The following ZNF101 variants were observed in gnomAD, a reference collection of about 807,000 sequenced individuals.
The protein encoded by ZNF101 is zinc finger protein 101, also known as zinc finger protein 101 (Y2).
A neutral mutation model predicts 42.6 loss-of-function variants in ZNF101; 34 were observed. The observed-to-expected ratio is 0.80, with a 90% confidence interval of 0.61 to 1.06. The LOEUF is 1.06. Among genes scored for constraint, ZNF101 ranks in the 50% least tolerant of loss-of-function variants. ZNF101 has a pLI of 0.00. For missense variants in ZNF101, 466 were observed against 530.9 expected, an observed-to-expected ratio of 0.88 and a Z score of 1.20; for synonymous variants, 158 against 183.9, an observed-to-expected ratio of 0.86 and a Z score of 1.14.
At chr19:19,678,130 C>T in intron 2 of ZNF101, 140 bp downstream of exon 2, 1 of 1,262,694 alleles carries the variant, frequency 7.9e-7, no homozygotes, top group Non-Finnish European at 1.1e-6. Context: ...AGTGGCTTAC[C>T]CTTGTAATCC....
chr19:19,676,520 G>C (rs1443742891), intron 1 of ZNF101: 1 of 152,172 alleles, frequency 6.6e-6, no homozygotes, highest in African/African-American at 2.4e-5. Context: ...TGTTAGGTAA[G>C]CCATCCACCT....
chr19:19,669,911 T>TAA (rs551680816), intron 1 of ZNF101, among the ~76,000 whole-genome samples: 2 of 147,512 alleles, frequency 1.4e-5, no homozygotes, highest in African/African-American at 2.5e-5. Flanking sequence ...ACTCCGATGT[T>TAA]AAAAAAAAAA....
chr19:19,681,899 C>T lies in ZNF101; in HGVS notation c.*1599C>T, dbSNP rs2062241660. The T allele has an allele frequency of 6.6e-6, 1 of 151,032 alleles. No homozygotes were observed. The highest frequency in any genetic ancestry group is 1.5e-5 in the Non-Finnish European group (1 of 67,904). 9.4% of individuals were successfully genotyped at this position (151,032 alleles called of 1,614,324 possible). A position where few individuals can be genotyped will look rare whatever the true frequency, so the allele number is the denominator to read the frequency against. On this transcript the variant is annotated 3_prime_UTR_variant, in exon 4 of 4. Transcript: ENST00000592502. Reference sequence around the variant, plus strand: ...AAAGTTATAAATATATAGCATTTATCAGTGGCTCATTCTTTTTTCTTTCTT... The same window carrying T: ...AAAGTTATAAATATATAGCATTTATTAGTGGCTCATTCTTTTTTCTTTCTT...
intron 1 of ZNF101, among the ~76,000 whole-genome samples, chr19:19,669,352 T>G (rs990119483): frequency 3.9e-5 from 6 of 152,114 alleles, no homozygotes; most frequent in African/African-American, 1.4e-4. Flanking sequence ...CTTCCAAAGG[T>G]GTGGGAAGCT....
In ZNF101 at chr19:19,677,723, G is replaced by A. The variant is rs184086037; in HGVS notation, c.4-141G>A. The A allele has an allele frequency of 1.4e-3, 1,448 of 1,005,668 alleles. 21 individuals carry two copies. The African/African-American group carries it at 0.042, about 29-fold the overall frequency. 62.3% of individuals were successfully genotyped at this position (1,005,668 alleles called of 1,614,324 possible). ...GGAACTGCTGCGAGGGAGGAAGTGCGTGTAGATAGGAGGAGGCCGATGACT... is the reference window on the plus strand; with the variant it reads ...GGAACTGCTGCGAGGGAGGAAGTGCATGTAGATAGGAGGAGGCCGATGACT... On this transcript the variant is annotated intron_variant, in intron 1 of 3. Transcript: ENST00000592502.
At chr19:19,668,401 C>T (rs2062145309), upstream of ZNF101, among the ~76,000 whole-genome samples, 1 of 151,968 alleles carries the variant, frequency 6.6e-6, no homozygotes, top group African/African-American at 2.4e-5. Flanking sequence ...GGTGTTGTGA[C>T]CGCATCCTGG....
chr19:19,678,862 C>A, intron 3 of ZNF101, 76 bp downstream of exon 3: 1 of 1,300,856 alleles, frequency 7.7e-7, no homozygotes, highest in South Asian at 1.3e-5. Flanking sequence ...TAAAAAAATA[C>A]AAGACAAATA....
intron 2 of ZNF101, 38 bp from the exon 3 acceptor site, chr19:19,678,688 A>G (rs180804600): frequency 0.014 from 21,923 of 1,538,368 alleles, 169 homozygotes; most frequent in Non-Finnish European, 0.017. Flanking sequence ...CTGTAATTTT[A>G]AATAATTCAT....
chr19:19,679,059 T>C, intron 3 of ZNF101, 122 bp from the exon 4 acceptor site: 1 of 1,452,464 alleles, frequency 6.9e-7, no homozygotes, highest in South Asian at 1.5e-5. Flanking sequence ...CTAATAATTC[T>C]GACCCAGGAG....
rs1440066369 is a variant in ZNF101, at chr19:19,680,091, T to C, written c.1102T>C (p.Cys368Arg). 1 of 1,614,184 alleles carries C rather than the reference T, an allele frequency of 6.2e-7. No individual in the cohort carries two copies. Among genetic ancestry groups the C allele is most frequent in the Admixed American group, 1.7e-5 (1 of 60,014 alleles). ...KTHSGEKPYE[C>R]TRCGKAFGWC... is the part of the protein sequence containing the mutation. ...TCATAGTGGAGAAAAGCCATATGAA[T>C]GTACAAGGTGTGGTAAAGCCTTTGG... is the stretch of plus-strand genomic sequence containing the variant. The change falls in exon 4 of 4, where the codon TGT becomes CGT. Residue 368 changes from cysteine to arginine, a missense_variant. Transcript: ENST00000592502.
At chr19:19,670,324 G>T (rs1158277223) in intron 1 of ZNF101, among the ~76,000 whole-genome samples, 2 of 152,146 alleles carry the variant, frequency 1.3e-5, no homozygotes, top group Non-Finnish European at 2.9e-5. Context: ...GCTTACTACG[G>T]CCTCAACCTC....
At chr19:19,670,209 AG>A (rs1317086979) in intron 1 of ZNF101, among the ~76,000 whole-genome samples, 1 of 152,158 alleles carries the variant, frequency 6.6e-6, no homozygotes, top group African/African-American at 2.4e-5. Flanking sequence ...GAAATTCCAG[AG>A]GGATTCCCTG....
intron 3 of ZNF101, 60 bp from the exon 4 acceptor site, chr19:19,679,121 C>T: frequency 6.4e-7 from 1 of 1,566,910 alleles, no homozygotes; most frequent in Non-Finnish European, 8.6e-7. Context: ...TAAGACATGT[C>T]AATTAGTAGA....
chr19:19,668,842 C>A lies in ZNF101; in HGVS notation c.-122C>A, dbSNP rs1037350577. On this transcript the variant is annotated 5_prime_UTR_variant, in exon 1 of 4. Transcript: ENST00000592502. Reference sequence around the variant, plus strand: ...TCTCATTTCCCGCCGGCCCCCCATTCGGGTCCGGGTTTTAGTTCCTCGGGG... The same window carrying A: ...TCTCATTTCCCGCCGGCCCCCCATTAGGGTCCGGGTTTTAGTTCCTCGGGG... 1.5e-6 allele frequency: 2 copies of A among 1,301,074 alleles called. No individual in the cohort carries two copies. The highest frequency in any genetic ancestry group is 2.1e-6 in the Non-Finnish European group (2 of 970,582). 80.6% of individuals were successfully genotyped at this position (1,301,074 alleles called of 1,614,324 possible). A position where few individuals can be genotyped will look rare whatever the true frequency, so the allele number is the denominator to read the frequency against.
intron 1 of ZNF101, chr19:19,672,187 T>C (rs2062174910): frequency 6.6e-6 from 1 of 150,422 alleles, no homozygotes; most frequent in Admixed American, 6.6e-5. Flanking sequence ...TAAATTTATT[T>C]ATTTTATTTT....
At chr19:19,673,101 C>T (rs1056748277) in intron 1 of ZNF101, among the ~76,000 whole-genome samples, 7 of 151,884 alleles carry the variant, frequency 4.6e-5, no homozygotes, top group African/African-American at 1.2e-4. Context: ...CATGCCACCA[C>T]GCCTGGCTAA....
At chr19:19,678,618 A>G in intron 2 of ZNF101, 108 bp from the exon 3 acceptor site, 2 of 871,668 alleles carry the variant, frequency 2.3e-6, no homozygotes, top group Non-Finnish European at 3.3e-6. Context: ...TTGTCTCCAA[A>G]AAAAAAAAAA....
chr19:19,675,196 G>A (rs2062194696), intron 1 of ZNF101, among the ~76,000 whole-genome samples: 1 of 151,866 alleles, frequency 6.6e-6, no homozygotes, highest in Admixed American at 6.6e-5. Flanking sequence ...GGAGTGTAAT[G>A]GCATGATCTC....
Position 19,682,326 on chromosome 19 carries a change from TCTC to T in ZNF101, c.*2029_*2031del, listed in dbSNP as rs763883906. On this transcript the variant is annotated 3_prime_UTR_variant, in exon 4 of 4. Coordinates refer to ENST00000592502, the MANE Select transcript of ZNF101 (RefSeq NM_033204.4). Reference sequence around the variant, plus strand: ...CCTCTGACTTCTGGGTTCAAGCAATTCTCCTGCTTCAGTCTCCGAAGCATCTGG... The same window carrying T: ...CCTCTGACTTCTGGGTTCAAGCAATTCTGCTTCAGTCTCCGAAGCATCTGG... The T allele has an allele frequency of 7.2e-5, 11 of 151,996 alleles. No individual in the cohort carries two copies. The highest frequency in any genetic ancestry group is 1.0e-4 in the Non-Finnish European group (7 of 67,982). 9.4% of individuals were successfully genotyped at this position (151,996 alleles called of 1,614,324 possible).
Sources: gnomAD v4.1 joint callset for allele counts (sites outside exome capture counted in the v4.1 genomes callset) on GRCh38, gnomAD v4.1.1 for gene constraint, MANE v1.5 for transcripts, NCBI Gene and HGNC (gene_info 2026-07-23, HGNC 2026-07-21) for gene names.